Variants in FGF14 observed in about 807,000 individuals in gnomAD.
The protein encoded by FGF14 is fibroblast growth factor homologous factor 4.
In FGF14, 5 loss-of-function variants were observed where a neutral mutation model predicts 25.5. The observed-to-expected ratio is 0.20, with a 90% CI of 0.10 to 0.41. The LOEUF (loss-of-function observed/expected upper bound fraction) is 0.41, where lower values mean the gene tolerates loss of function less well. Ranked by LOEUF, FGF14 falls within the 10% of genes least tolerant of loss-of-function variation. The pLI, the probability that FGF14 is intolerant of heterozygous loss-of-function variation, is 1.00. For synonymous variants in FGF14, 138 were observed against 118.3 expected, an observed-to-expected ratio of 1.17 and a Z score of -1.08; for missense variants, 222 against 320.1, an observed-to-expected ratio of 0.69 and a Z score of 2.34.
rs1425410838 is a variant in FGF14, at chr13:101,720,458, CA to C, written c.*2372del. 1 of 151,880 alleles carries C rather than the reference CA, an allele frequency of 6.6e-6. No individual in the cohort carries two copies. The allele number at this position is 151,880 out of a possible 1,614,324, so 9.4% of individuals were successfully genotyped here. On this transcript the variant is annotated 3_prime_UTR_variant, in exon 5 of 5. Transcript: ENST00000376143. Reference sequence around the variant, plus strand: ...TCTTGTCTTAATTTAAACCAATAAACAGACTTGCAGGGGAAAAAGAAACCAG... The same window carrying C: ...TCTTGTCTTAATTTAAACCAATAAACGACTTGCAGGGGAAAAAGAAACCAG...
chr13:102,179,881 T>C (rs1416229456), intron 1 of FGF14, among the ~76,000 whole-genome samples: 1 of 152,182 alleles, frequency 6.6e-6, no homozygotes, highest in Non-Finnish European at 1.5e-5. Flanking sequence ...AAAAAATCTT[T>C]ATGGTTGGTC....
chr13:102,211,901 T>A (rs947866302), intron 1 of FGF14, among the ~76,000 whole-genome samples: 12 of 152,342 alleles, frequency 7.9e-5, no homozygotes, highest in African/African-American at 2.6e-4. Flanking sequence ...TTGGTTCAAT[T>A]TGACATGCAT....
At position 102,251,828 on chromosome 13, in the gene FGF14, C is replaced by A. The variant is rs189446973; in HGVS notation, c.208+149643G>T. Among the ~76,000 whole-genome samples, 223 of 152,308 alleles carry A rather than the reference C, an allele frequency of 1.5e-3. 1 individual carries two copies. The highest frequency in any genetic ancestry group is 5.0e-3 in the African/African-American group (209 of 41,570). ...CCAAATCTCTCCTTCCACCAAGCCT[C>A]ATCCAATCCCCAAACAATTTTCCCT... is the stretch of plus-strand genomic sequence containing the variant. On this transcript the variant is annotated intron_variant, in intron 1 of 4. Coordinates refer to the FGF14 transcript ENST00000376131.
chr13:102,069,203 C>G (rs1000664419), intron 1 of FGF14, among the ~76,000 whole-genome samples: 2 of 152,198 alleles, frequency 1.3e-5, no homozygotes, highest in African/African-American at 4.8e-5. Context: ...AATTGACACT[C>G]TGTATCTAGC....
intron 1 of FGF14, among the ~76,000 whole-genome samples, chr13:102,179,435 T>C (rs930657080): frequency 6.6e-6 from 1 of 152,238 alleles, no homozygotes; most frequent in South Asian, 2.1e-4. Context: ...CAATCTTCTG[T>C]GAGCCCTAGG....
intron 1 of FGF14, among the ~76,000 whole-genome samples, chr13:102,366,849 T>C (rs563218471): frequency 6.6e-6 from 1 of 152,186 alleles, no homozygotes; most frequent in South Asian, 2.1e-4. Flanking sequence ...TATCATTTTT[T>C]AGTATAGACC....
chr13:102,069,781 TCTG>T (rs111494022), intron 1 of FGF14, among the ~76,000 whole-genome samples: 5,207 of 152,082 alleles, frequency 0.034, 282 homozygotes, highest in African/African-American at 0.12. Context: ...ACTGCGAGGG[TCTG>T]CGGCTTCATT....
chr13:102,310,801 C>T (rs2055721883), intron 1 of FGF14, among the ~76,000 whole-genome samples: 1 of 151,482 alleles, frequency 6.6e-6, no homozygotes, highest in African/African-American at 2.4e-5. Context: ...TGGCCTCCAG[C>T]AGGTCTGAAG....
At position 101,743,529 on chromosome 13, in the gene FGF14, A is replaced by T. The variant is rs2036689667; in HGVS notation, c.409-16719T>A. ...TAATTTGTAACAAAATATTAATAAA[A>T]ACTGAATGAGGGTGAATCCCTCTTC... On this transcript the variant is annotated intron_variant, in intron 3 of 4. Transcript: ENST00000376143. 1.3e-5 allele frequency among the ~76,000 whole-genome samples: 2 copies of T among 152,200 alleles called. 1 individual carries two copies. The highest frequency in any genetic ancestry group is 4.1e-4 in the South Asian group (2 of 4,830).
At chr13:102,063,169 A>C (rs771140585) in intron 1 of FGF14, among the ~76,000 whole-genome samples, 1 of 152,240 alleles carries the variant, frequency 6.6e-6, no homozygotes, top group Non-Finnish European at 1.5e-5. Context: ...ACATAGTGAA[A>C]TGAATGACTG....
intron 1 of FGF14, among the ~76,000 whole-genome samples, chr13:102,336,467 A>G (rs1457269556): frequency 2.0e-5 from 3 of 152,200 alleles, no homozygotes; most frequent in Non-Finnish European, 4.4e-5. Context: ...AGGTTGATTC[A>G]TAAGGTTTAG....
At chr13:102,165,441 T>G (rs2140633436) in intron 1 of FGF14, among the ~76,000 whole-genome samples, 1 of 151,458 alleles carries the variant, frequency 6.6e-6, no homozygotes, top group Middle Eastern at 3.4e-3. Flanking sequence ...ATAGACTGGG[T>G]TAAGAAAATG....
intron 1 of FGF14, among the ~76,000 whole-genome samples, chr13:102,262,848 G>A (rs752742624): frequency 1.9e-4 from 29 of 152,192 alleles, no homozygotes; most frequent in African/African-American, 6.0e-4. Context: ...TTAAGTGAAC[G>A]AAAGGTCTCA....
chr13:101,916,744 C>G lies in FGF14; in HGVS notation c.-99G>C. 1 of 1,076,988 alleles carries G rather than the reference C, an allele frequency of 9.3e-7. No homozygotes were observed. Among genetic ancestry groups the G allele is most frequent in the Non-Finnish European group, 1.3e-6 (1 of 775,280 alleles). 66.7% of individuals were successfully genotyped at this position (1,076,988 alleles called of 1,614,324 possible). On this transcript the variant is annotated 5_prime_UTR_variant, in exon 1 of 5. Transcript: ENST00000376143. ...GGCGGCGCAGACCGTGGCTCGCCCT[C>G]GGGGCAGAGGAGGGGGTGCCAGGCG...
At chr13:102,165,497 G>A (rs1447517912) in intron 1 of FGF14, among the ~76,000 whole-genome samples, 6 of 151,944 alleles carry the variant, frequency 3.9e-5, no homozygotes, top group Non-Finnish European at 7.4e-5. Context: ...AAAAAATGAT[G>A]AGTTCATGTC....
chr13:102,391,527 A>G (rs1213615525), intron 1 of FGF14, among the ~76,000 whole-genome samples: 1 of 152,256 alleles, frequency 6.6e-6, no homozygotes, highest in Non-Finnish European at 1.5e-5. Flanking sequence ...CATCATTAAA[A>G]TATCTCTAAC....
At chr13:102,205,487 A>G (rs556954975) in intron 1 of FGF14, among the ~76,000 whole-genome samples, 3 of 152,158 alleles carry the variant, frequency 2.0e-5, no homozygotes, top group African/African-American at 7.2e-5. Context: ...GACATTACAC[A>G]TGTCATAGAT....
intron 1 of FGF14, among the ~76,000 whole-genome samples, chr13:102,318,153 G>A (rs1043711516): frequency 4.6e-5 from 7 of 152,138 alleles, no homozygotes; most frequent in African/African-American, 1.7e-4. Context: ...AAAGCTGAGA[G>A]GATCAACACC....
intron 1 of FGF14, among the ~76,000 whole-genome samples, chr13:101,889,244 A>T (rs1426888757): frequency 6.6e-6 from 1 of 152,192 alleles, no homozygotes; most frequent in African/African-American, 2.4e-5. Flanking sequence ...TTTAAAAAAA[A>T]TAAAGTTCAA....
Sources: gnomAD v4.1 joint callset for allele counts (sites outside exome capture counted in the v4.1 genomes callset) on GRCh38, gnomAD v4.1.1 for gene constraint, MANE v1.5 for transcripts, NCBI Gene and HGNC (gene_info 2026-07-23, HGNC 2026-07-21) for gene names.